The following PCNX2 variants were observed in gnomAD, a reference collection of about 807,000 sequenced individuals.
PCNX2 encodes the protein pecanex 2.
Under a neutral mutation model 223.8 loss-of-function variants are expected in PCNX2, and 168 were observed. The observed-to-expected ratio is 0.75, with a 90% CI of 0.66 to 0.85. The LOEUF is 0.85. Among genes scored for constraint, PCNX2 ranks in the 40% least tolerant of loss-of-function variants. The probability of loss-of-function intolerance (pLI) is 0.00; values close to 1 mark genes in which losing one functional copy is unlikely to be tolerated. For missense variants in PCNX2, 2,507 were observed against 2,675.5 expected, an observed-to-expected ratio of 0.94 and a Z score of 1.39; for synonymous variants, 1,006 against 1,052.6, an observed-to-expected ratio of 0.96 and a Z score of 0.86.
intron 28 of PCNX2, 107 bp downstream of exon 28, chr1:233,014,558 G>A: frequency 6.3e-6 from 5 of 799,296 alleles, no homozygotes; most frequent in South Asian, 5.1e-5. Context: ...TCTGAAAGTA[G>A]TATAATAAGT....
rs551094296 is a variant in PCNX2, at chr1:233,174,534, AC to A, written c.3273+3267del. Reference sequence around the variant, plus strand: ...TCCAACTCTCAAAGGAAGCTTAAGAACCCCTGTTCCAACATTCCACATCTAG... The same window carrying A: ...TCCAACTCTCAAAGGAAGCTTAAGAACCCTGTTCCAACATTCCACATCTAG... On this transcript the variant is annotated intron_variant, in intron 17 of 33. Transcript: ENST00000258229. Among the ~76,000 whole-genome samples, 978 of 151,988 alleles carry A rather than the reference AC, an allele frequency of 6.4e-3. 9 individuals are homozygous for A. The highest frequency in any genetic ancestry group is 0.022 in the South Asian group (107 of 4,822).
chr1:233,147,445 C>T (rs1287783189), intron 19 of PCNX2, among the ~76,000 whole-genome samples: 1 of 152,056 alleles, frequency 6.6e-6, no homozygotes, highest in Non-Finnish European at 1.5e-5. Flanking sequence ...TCATCATCTT[C>T]ACGTTGAGTA....
chr1:233,057,853 C>CA (rs113587409), intron 23 of PCNX2: 472,049 of 839,556 alleles, frequency 0.56, 66,198 homozygotes, highest in Admixed American at 0.81. Context: ...GAGCAAGACT[C>CA]AAAAAAAAAA....
At chr1:233,192,720 C>T (rs887538328) in intron 15 of PCNX2, among the ~76,000 whole-genome samples, 3 of 151,868 alleles carry the variant, frequency 2.0e-5, no homozygotes, top group Admixed American at 1.3e-4. Flanking sequence ...TTTCAAACTG[C>T]AATTTATCAG....
chr1:233,092,389 G>A (rs920261454), intron 22 of PCNX2, among the ~76,000 whole-genome samples: 1 of 152,086 alleles, frequency 6.6e-6, no homozygotes, highest in African/African-American at 2.4e-5. Flanking sequence ...TCTTGTTTTT[G>A]ATTCTAAAAT....
chr1:233,266,083 C>A (rs560864828), intron 1 of PCNX2, among the ~76,000 whole-genome samples: 1 of 152,292 alleles, frequency 6.6e-6, no homozygotes, highest in African/African-American at 2.4e-5. Flanking sequence ...ATATCTGCAG[C>A]CCATGGACCT....
At chr1:233,158,962 A>G (rs1198141382) in intron 19 of PCNX2, among the ~76,000 whole-genome samples, 2 of 152,218 alleles carry the variant, frequency 1.3e-5, no homozygotes, top group Admixed American at 6.5e-5. Flanking sequence ...TATACAAACC[A>G]TTATAGATGG....
chr1:233,220,680 TC>T lies in PCNX2; in HGVS notation c.2505-2497del, dbSNP rs370061115. Among the ~76,000 whole-genome samples the T allele has an allele frequency of 9.1e-4, 139 of 152,330 alleles. 2 individuals carry two copies. In the East Asian group the frequency reaches 0.019, roughly 21 times the overall value. On this transcript the variant is annotated intron_variant, in intron 10 of 33. Transcript: ENST00000258229. Reference sequence around the variant, plus strand: ...GTGTTCTTTGTATACTGGATGACAATCCTTCGTTTTTTAAAATATTTTCTTC... The same window carrying T: ...GTGTTCTTTGTATACTGGATGACAATCTTCGTTTTTTAAAATATTTTCTTC...
chr1:233,162,888 G>A (rs932708469), intron 17 of PCNX2, among the ~76,000 whole-genome samples: 16 of 152,086 alleles, frequency 1.1e-4, no homozygotes, highest in Admixed American at 1.0e-3. Flanking sequence ...TGTCTAAAAG[G>A]AAAACAGTCG....
At chr1:233,195,206 T>G (rs956395941) in intron 15 of PCNX2, among the ~76,000 whole-genome samples, 24 of 152,108 alleles carry the variant, frequency 1.6e-4, no homozygotes, top group Non-Finnish European at 3.4e-4. Flanking sequence ...AACAATTGCT[T>G]TAAAAAAAAT....
At chr1:233,035,083 G>GAA (rs1430460561) in intron 25 of PCNX2, among the ~76,000 whole-genome samples, 1 of 152,148 alleles carries the variant, frequency 6.6e-6, no homozygotes, top group Non-Finnish European at 1.5e-5. Flanking sequence ...GAGATAAGAG[G>GAA]AAACATGGAG....
chr1:233,196,340 A>T (rs891648314), intron 15 of PCNX2, among the ~76,000 whole-genome samples: 1 of 152,218 alleles, frequency 6.6e-6, no homozygotes, highest in East Asian at 1.9e-4. Flanking sequence ...CATAAAAAAA[A>T]CCCATAAAAT....
At chr1:233,237,242 G>A (rs1658479712) in intron 8 of PCNX2, among the ~76,000 whole-genome samples, 1 of 152,176 alleles carries the variant, frequency 6.6e-6, no homozygotes, top group Admixed American at 6.5e-5. Flanking sequence ...GATGCCTGGT[G>A]TTCTACAGAT....
At chr1:233,018,916 TG>T in intron 26 of PCNX2, 1 of 985,426 alleles carries the variant, frequency 1.0e-6, no homozygotes, top group Non-Finnish European at 1.2e-6. Context: ...AAACGAATAT[TG>T]GGTGGACGGA....
Position 233,238,140 on chromosome 1 carries a change from C to A in PCNX2, c.2223-1160G>T, listed in dbSNP as rs184893500. On this transcript the variant is annotated intron_variant, in intron 8 of 33. Transcript: ENST00000258229. ...ACCTTGAACAGATCATACCTTTGGGCCTCTTGTGTTCTGGCATAATACATC... is the reference window on the plus strand; with the variant it reads ...ACCTTGAACAGATCATACCTTTGGGACTCTTGTGTTCTGGCATAATACATC... Among the ~76,000 whole-genome samples, 4 of 152,270 alleles carry A rather than the reference C, an allele frequency of 2.6e-5. No individual in the cohort carries two copies. In the East Asian group the frequency reaches 7.7e-4, roughly 29 times the overall value.
intron 10 of PCNX2, among the ~76,000 whole-genome samples, chr1:233,222,667 A>G (rs1657454725): frequency 6.6e-6 from 1 of 152,232 alleles, no homozygotes; most frequent in East Asian, 1.9e-4. Flanking sequence ...GATGCAATAG[A>G]TACACGTGGA....
intron 1 of PCNX2, among the ~76,000 whole-genome samples, chr1:233,279,277 G>A (rs1043387182): frequency 4.4e-4 from 67 of 152,098 alleles, no homozygotes; most frequent in African/African-American, 1.6e-3. Context: ...GGAGTGCAGT[G>A]GCATGATCAT....
rs74388413 is a variant in PCNX2 at position 233,163,773 on chromosome 1, T to A, written c.3274-2410A>T. Reference sequence around the variant, plus strand: ...AGCCTCTTGTTTTCATTTTCTAGAATGTTATATACATAGATTCATAAAATA... The same window carrying A: ...AGCCTCTTGTTTTCATTTTCTAGAAAGTTATATACATAGATTCATAAAATA... On this transcript the variant is annotated intron_variant, in intron 17 of 33. Coordinates refer to ENST00000258229, the MANE Select transcript of PCNX2 (RefSeq NM_014801.4). 4.0e-3 allele frequency among the ~76,000 whole-genome samples: 604 copies of A among 152,100 alleles called. 1 individual carries two copies. The highest frequency in any genetic ancestry group is 0.014 in the African/African-American group (564 of 41,528).
At chr1:233,013,903 A>C (rs974276581) in intron 28 of PCNX2, among the ~76,000 whole-genome samples, 5 of 152,170 alleles carry the variant, frequency 3.3e-5, no homozygotes, top group Non-Finnish European at 7.3e-5. Context: ...GGGGTTGAGA[A>C]CCACTCATCA....
Sources: gnomAD v4.1 joint callset for allele counts (sites outside exome capture counted in the v4.1 genomes callset) on GRCh38, gnomAD v4.1.1 for gene constraint, MANE v1.5 for transcripts, NCBI Gene and HGNC (gene_info 2026-07-23, HGNC 2026-07-21) for gene names.